Variants in PTH2R observed in about 807,000 individuals in gnomAD.
PTH2R encodes the protein parathyroid hormone 2 receptor.
In PTH2R, 59 loss-of-function variants were observed where a neutral mutation model predicts 60.3. That is an observed-to-expected ratio of 0.98 (90% confidence interval 0.79 to 1.22). The LOEUF (loss-of-function observed/expected upper bound fraction) is 1.22, where lower values mean the gene tolerates loss of function less well. Among genes scored for constraint, PTH2R ranks in the 50% most tolerant of loss-of-function variants. The pLI is 0.00. For synonymous variants in PTH2R, 256 were observed against 243.8 expected, an observed-to-expected ratio of 1.05 and a Z score of -0.47; for missense variants, 749 against 682.6, an observed-to-expected ratio of 1.10 and a Z score of -1.08.
In PTH2R at chr2:208,493,318, A is replaced by G. The variant is rs372037836; in HGVS notation, c.1312A>G (p.Lys438Glu). 65 of 1,541,580 alleles carry G rather than the reference A, an allele frequency of 4.2e-5. No homozygotes were observed. The East Asian group carries it at 6.6e-4, about 16-fold the overall frequency. The change falls in exon 13 of 13, where the codon AAA becomes GAA. Residue 438 changes from lysine (K) to glutamate (E), a missense_variant. By Grantham distance (56) the Lys-to-Glu change is moderately conservative. Coordinates refer to ENST00000272847, the MANE Select transcript of PTH2R (RefSeq NM_005048.4). ...TCGGTGGAACCTCTCCGTGGACTGG[A>G]AAAGGACACCGCCATGTGGCAGCCG... is the stretch of plus-strand genomic sequence containing the variant. ...WSRWNLSVDW[K>E]RTPPCGSRRC...
intron 7 of PTH2R, 100 bp downstream of exon 7, chr2:208,444,987 C>A: frequency 8.3e-7 from 1 of 1,203,770 alleles, no homozygotes; most frequent in Middle Eastern, 2.0e-4. Flanking sequence ...TTTCCTGAAA[C>A]AATCCCTCCC....
chr2:208,473,559 A>G (rs1458917432), intron 9 of PTH2R, among the ~76,000 whole-genome samples: 1 of 152,118 alleles, frequency 6.6e-6, no homozygotes, highest in Non-Finnish European at 1.5e-5. Context: ...GTGGGAGGCT[A>G]GTTGTGTTTC....
chr2:208,443,539 T>A lies in PTH2R; in HGVS notation c.699+2T>A. 1 of 1,592,408 alleles carries A rather than the reference T, an allele frequency of 6.3e-7. No individual in the cohort carries two copies. The highest frequency in any genetic ancestry group is 1.7e-4 in the Middle Eastern group (1 of 5,946). On this transcript the variant is annotated splice_donor_variant, in intron 6 of 12. Transcript: ENST00000272847. LOFTEE classifies it high-confidence loss of function. ...ACTTCTGTGGACAAATCACAATATG[T>A]AAGTGTTTTCACCATTTTCTCTCAT...
Position 208,489,049 on chromosome 2 carries a change from T to C in PTH2R, c.1114T>C (p.Phe372Leu), listed in dbSNP as rs780551379. Reference sequence around the variant, plus strand: ...ATCGACACTGGTCCTGGTCCTAGTCTTTGGAGTGCATTACATCGTGTTCGT... The same window carrying C: ...ATCGACACTGGTCCTGGTCCTAGTCCTTGGAGTGCATTACATCGTGTTCGT... ...AKSTLVLVLV[F>L]GVHYIVFVCL... is the part of the protein sequence containing the mutation. The change falls in exon 11 of 13, where the codon TTT becomes CTT. Residue 372 changes from phenylalanine (F) to leucine (L), a missense_variant. Phe to Leu is a conservative substitution (Grantham distance 22). Coordinates refer to ENST00000272847, the MANE Select transcript of PTH2R (RefSeq NM_005048.4). The C allele has an allele frequency of 7.4e-6, 12 of 1,614,118 alleles. No homozygotes were observed. The highest frequency in any genetic ancestry group is 1.7e-5 in the Admixed American group (1 of 60,024).
chr2:208,484,915 A>G (rs1396261170), intron 10 of PTH2R, among the ~76,000 whole-genome samples: 2 of 152,156 alleles, frequency 1.3e-5, no homozygotes, highest in African/African-American at 4.8e-5. Flanking sequence ...ATGTAACAGG[A>G]GCATGGTGCT....
chr2:208,467,717 A>G (rs1316889360), intron 9 of PTH2R, among the ~76,000 whole-genome samples: 1 of 151,656 alleles, frequency 6.6e-6, no homozygotes, highest in Non-Finnish European at 1.5e-5. Flanking sequence ...TTAAGCTTCT[A>G]TCCTACAAAA....
intron 9 of PTH2R, among the ~76,000 whole-genome samples, chr2:208,470,883 G>T (rs1459196055): frequency 6.6e-6 from 1 of 152,178 alleles, no homozygotes; most frequent in African/African-American, 2.4e-5. Context: ...CCAAAATGCT[G>T]ATAATGGTGT....
chr2:208,388,133 C>CA (rs1553540985), intron 1 of PTH2R, among the ~76,000 whole-genome samples: 60 of 874 alleles, frequency 0.069, no homozygotes, highest in African/African-American at 0.16. Flanking sequence ...CATGGTGAAA[C>CA]CCCCCCCCCC....
intron 9 of PTH2R, among the ~76,000 whole-genome samples, chr2:208,464,453 A>G (rs3820904): frequency 0.64 from 97,715 of 152,048 alleles, 33,038 homozygotes; most frequent in Non-Finnish European, 0.74. Flanking sequence ...ATGTAAAGAC[A>G]GGGAAAGCTC....
At chr2:208,426,626 T>A (rs1427406770) in intron 1 of PTH2R, among the ~76,000 whole-genome samples, 1 of 152,202 alleles carries the variant, frequency 6.6e-6, no homozygotes, top group Non-Finnish European at 1.5e-5. Context: ...TCCCCCATGC[T>A]GTTCTGATAG....
At chr2:208,473,720 G>A (rs975201371) in intron 9 of PTH2R, among the ~76,000 whole-genome samples, 1 of 152,090 alleles carries the variant, frequency 6.6e-6, no homozygotes, top group African/African-American at 2.4e-5. Context: ...TTGGCTGAAT[G>A]AAAATATAAA....
At chr2:208,373,191 A>G (rs540590962) in intron 1 of PTH2R, among the ~76,000 whole-genome samples, 1 of 152,154 alleles carries the variant, frequency 6.6e-6, no homozygotes, top group Non-Finnish European at 1.5e-5. Flanking sequence ...AAGTGAAGTG[A>G]AGTGTCTTGA....
At chr2:208,399,290 T>G (rs565302977) in intron 1 of PTH2R, among the ~76,000 whole-genome samples, 2 of 152,278 alleles carry the variant, frequency 1.3e-5, no homozygotes, top group Non-Finnish European at 2.9e-5. Context: ...AGGTCTGGGT[T>G]GCTCAAACCC....
At chr2:208,437,958 A>G in intron 4 of PTH2R, 77 bp downstream of exon 4, 1 of 1,547,958 alleles carries the variant, frequency 6.5e-7, no homozygotes, top group South Asian at 1.2e-5. Context: ...ATTGCCAGCC[A>G]TTATGTATAA....
At chr2:208,395,998 A>G (rs1260645379) in intron 1 of PTH2R, among the ~76,000 whole-genome samples, 1 of 152,222 alleles carries the variant, frequency 6.6e-6, no homozygotes, top group African/African-American at 2.4e-5. Flanking sequence ...GGCCTCAGAA[A>G]TAACACCACA....
intron 2 of PTH2R, among the ~76,000 whole-genome samples, chr2:208,430,988 G>A (rs191441945): frequency 4.4e-4 from 67 of 152,238 alleles, no homozygotes; most frequent in African/African-American, 1.4e-3. Context: ...TGATTGGAAT[G>A]TTTTAGTTAT....
chr2:208,450,949 G>T lies in PTH2R; in HGVS notation c.914+140G>T, dbSNP rs558440768. The T allele has an allele frequency of 6.7e-6, 6 of 894,252 alleles. No homozygotes were observed. The Admixed American group carries it at 1.2e-4, about 19-fold the overall frequency. 55.4% of individuals were successfully genotyped at this position (894,252 alleles called of 1,614,324 possible). A position where few individuals can be genotyped will look rare whatever the true frequency, so the allele number is the denominator to read the frequency against. On this transcript the variant is annotated intron_variant, in intron 8 of 12. Coordinates refer to ENST00000272847, the MANE Select transcript of PTH2R (RefSeq NM_005048.4). Reference sequence around the variant, plus strand: ...ACAAGGAAAATTACCTTGATGCGATGGTAGCTTCCAACACATTACCAGCAA... The same window carrying T: ...ACAAGGAAAATTACCTTGATGCGATTGTAGCTTCCAACACATTACCAGCAA...
chr2:208,395,654 A>C (rs1701195536), intron 1 of PTH2R, among the ~76,000 whole-genome samples: 1 of 152,222 alleles, frequency 6.6e-6, no homozygotes. Context: ...AGAGTTTTGC[A>C]ACAGGATAGC....
intron 1 of PTH2R, among the ~76,000 whole-genome samples, chr2:208,415,141 GATTC>G (rs959683883): frequency 6.6e-6 from 1 of 152,030 alleles, no homozygotes; most frequent in Non-Finnish European, 1.5e-5. Context: ...GATCAATATT[GATTC>G]ATTAATTATG....
Sources: allele counts gnomAD v4.1 joint callset (sites outside exome capture counted in the v4.1 genomes callset), GRCh38; gene constraint gnomAD v4.1.1; transcripts MANE v1.5; gene names NCBI Gene and HGNC (gene_info 2026-07-23, HGNC 2026-07-21).